EXOC4: variants seen among roughly 807,000 people sequenced by gnomAD.
EXOC4 encodes the protein exocyst complex component 4, also known as SEC8-like 1.
In EXOC4, 71 loss-of-function variants were observed where a neutral mutation model predicts 107.2. The observed-to-expected ratio is 0.66, with a 90% CI of 0.55 to 0.81. EXOC4 has a LOEUF of 0.81. Ranked by LOEUF, EXOC4 falls within the 30% of genes least tolerant of loss-of-function variation. The probability of loss-of-function intolerance (pLI) is 0.00; values close to 1 mark genes in which losing one functional copy is unlikely to be tolerated. For synonymous variants in EXOC4, 456 were observed against 441.2 expected, an observed-to-expected ratio of 1.03 and a Z score of -0.42; for missense variants, 1,108 against 1,189.6, an observed-to-expected ratio of 0.93 and a Z score of 1.01.
intron 12 of EXOC4, among the ~76,000 whole-genome samples, chr7:133,911,866 A>G (rs1234600301): frequency 1.3e-5 from 2 of 152,186 alleles, no homozygotes; most frequent in Non-Finnish European, 2.9e-5. Context: ...TGTGGGTCTA[A>G]GAGGAATTGA....
intron 9 of EXOC4, among the ~76,000 whole-genome samples, chr7:133,583,952 G>T (rs1801336619): frequency 6.6e-6 from 1 of 152,296 alleles, no homozygotes; most frequent in South Asian, 2.1e-4. Context: ...ACGAACTGTG[G>T]CTGTGTCTGG....
chr7:133,878,827 G>A (rs1279078377), intron 11 of EXOC4, among the ~76,000 whole-genome samples: 1 of 152,090 alleles, frequency 6.6e-6, no homozygotes, highest in Non-Finnish European at 1.5e-5. Flanking sequence ...AGGTTCAAGT[G>A]ATTCTCCTGC....
chr7:133,426,115 TTTGTCTACAGGA>T (rs1797721255), intron 7 of EXOC4, among the ~76,000 whole-genome samples: 1 of 152,222 alleles, frequency 6.6e-6, no homozygotes, highest in African/African-American at 2.4e-5. Context: ...TTTGACTCTT[TTTGTCTACAGGA>T]AGGAGATGAT....
intron 3 of EXOC4, among the ~76,000 whole-genome samples, chr7:133,299,933 C>T (rs1041570766): frequency 3.3e-5 from 5 of 152,158 alleles, no homozygotes; most frequent in Non-Finnish European, 5.9e-5. Flanking sequence ...TTATCATTTG[C>T]TGTTAGCTCA....
intron 7 of EXOC4, among the ~76,000 whole-genome samples, chr7:133,469,118 A>G (rs1798807287): frequency 6.6e-6 from 1 of 152,194 alleles, no homozygotes; most frequent in East Asian, 1.9e-4. Flanking sequence ...ACGTGAAGTT[A>G]GTAGTCAAGA....
At chr7:133,863,344 A>G (rs949654631) in intron 11 of EXOC4, among the ~76,000 whole-genome samples, 3 of 152,218 alleles carry the variant, frequency 2.0e-5, no homozygotes, top group African/African-American at 7.2e-5. Context: ...CAAAGATACA[A>G]TGGAATATTA....
chr7:133,861,382 C>T (rs1251599657), intron 11 of EXOC4, among the ~76,000 whole-genome samples: 1 of 152,110 alleles, frequency 6.6e-6, no homozygotes, highest in Non-Finnish European at 1.5e-5. Flanking sequence ...ACATGACAAA[C>T]CTGCACATGT....
chr7:133,725,548 G>C (rs1268805894), intron 10 of EXOC4, among the ~76,000 whole-genome samples: 1 of 152,044 alleles, frequency 6.6e-6, no homozygotes, highest in Non-Finnish European at 1.5e-5. Context: ...GCTAATTTTT[G>C]TATTTTTAGT....
chr7:133,436,254 A>G (rs184359406), intron 7 of EXOC4, among the ~76,000 whole-genome samples: 1 of 152,092 alleles, frequency 6.6e-6, no homozygotes, highest in East Asian at 1.9e-4. Context: ...CTATGTCTGT[A>G]CTTGCCCTCC....
the EXOC4 span, among the ~76,000 whole-genome samples, chr7:134,087,639 T>C: frequency 6.6e-6 from 1 of 152,204 alleles, no homozygotes; most frequent in African/African-American, 2.4e-5. Flanking sequence ...TCCAGATTTT[T>C]ACATTACCCA....
intron 14 of EXOC4, among the ~76,000 whole-genome samples, chr7:133,987,965 T>A (rs146003252): frequency 6.6e-6 from 1 of 152,206 alleles, no homozygotes; most frequent in Admixed American, 6.5e-5. Context: ...CTAAACAGAT[T>A]TCAGTCTGGT....
intron 8 of EXOC4, among the ~76,000 whole-genome samples, chr7:133,478,426 T>C (rs1291399046): frequency 6.6e-6 from 1 of 152,222 alleles, no homozygotes; most frequent in Admixed American, 6.5e-5. Flanking sequence ...TAGGCCGTTA[T>C]TACAGATTTG....
chr7:133,941,025 CTTTTTTTT>C (rs774809098), intron 14 of EXOC4, among the ~76,000 whole-genome samples: 1 of 143,898 alleles, frequency 6.9e-6, no homozygotes, highest in East Asian at 2.0e-4. Flanking sequence ...TTCTTTTTTT[CTTTTTTTT>C]TTTTGAGATG....
intron 14 of EXOC4, among the ~76,000 whole-genome samples, chr7:133,964,886 A>G (rs1384178426): frequency 6.6e-6 from 1 of 152,126 alleles, no homozygotes; most frequent in Non-Finnish European, 1.5e-5. Context: ...CTGGTTCTAG[A>G]TCTGTGAGGA....
At chr7:133,448,271 T>C (rs1188569358) in intron 7 of EXOC4, among the ~76,000 whole-genome samples, 2 of 152,104 alleles carry the variant, frequency 1.3e-5, no homozygotes, top group African/African-American at 2.4e-5. Flanking sequence ...TTCCTTATGC[T>C]TTGAATTCTA....
At chr7:133,820,469 A>G (rs1346481273) in intron 11 of EXOC4, among the ~76,000 whole-genome samples, 1 of 152,060 alleles carries the variant, frequency 6.6e-6, no homozygotes, top group Admixed American at 6.6e-5. Context: ...TTTCCTTAAT[A>G]TTTTATTCCC....
intron 17 of EXOC4, among the ~76,000 whole-genome samples, chr7:134,048,616 T>C (rs955611064): frequency 2.0e-5 from 3 of 152,336 alleles, no homozygotes; most frequent in South Asian, 4.1e-4. Context: ...TGTCCTCTTA[T>C]TTCTTATGTT....
intron 11 of EXOC4, among the ~76,000 whole-genome samples, chr7:133,886,370 G>A (rs1262052439): frequency 6.6e-6 from 1 of 152,176 alleles, no homozygotes; most frequent in Non-Finnish European, 1.5e-5. Context: ...CAGTGGACTA[G>A]TTCTCAAAGG....
At chr7:133,515,261 T>A (rs918916984) in intron 9 of EXOC4, among the ~76,000 whole-genome samples, 3 of 152,030 alleles carry the variant, frequency 2.0e-5, no homozygotes, top group Admixed American at 2.0e-4. Context: ...ACATACTTTT[T>A]TAGGTGGGTT....
Sources: allele counts gnomAD v4.1 joint callset (sites outside exome capture counted in the v4.1 genomes callset), GRCh38; gene constraint gnomAD v4.1.1; transcripts MANE v1.5; gene names NCBI Gene and HGNC (gene_info 2026-07-23, HGNC 2026-07-21).